The following COL9A1 variants were observed in gnomAD, a reference collection of about 807,000 sequenced individuals.
COL9A1 encodes collagen type IX alpha 1 chain, also known as collagen alpha-1(IX) chain.
In COL9A1, 104 loss-of-function variants were observed where a neutral mutation model predicts 142.6. The ratio of observed to expected loss-of-function variants is 0.73; its 90% CI spans 0.62 to 0.86. The LOEUF (loss-of-function observed/expected upper bound fraction) is 0.86. Among genes scored for constraint, COL9A1 ranks in the 40% least tolerant of loss-of-function variants. COL9A1 has a pLI of 0.00. For synonymous variants in COL9A1, 466 were observed against 396.0 expected, an observed-to-expected ratio of 1.18 and a Z score of -2.10; for missense variants, 1,210 against 1,176.6, an observed-to-expected ratio of 1.03 and a Z score of -0.42.
At chr6:70,284,133 G>A (rs988513079) in intron 5 of COL9A1, among the ~76,000 whole-genome samples, 1 of 152,196 alleles carries the variant, frequency 6.6e-6, no homozygotes, top group Non-Finnish European at 1.5e-5. Context: ...ATCTCAAGAT[G>A]TAGATCCTAC....
intron 37 of COL9A1, among the ~76,000 whole-genome samples, chr6:70,218,561 A>G (rs1768676066): frequency 6.6e-6 from 1 of 152,240 alleles, no homozygotes; most frequent in Non-Finnish European, 1.5e-5. Flanking sequence ...CATCTCAGCC[A>G]TCTTAACCTG....
At chr6:70,252,339 A>G (rs1258129981) in intron 26 of COL9A1, 24 bp from the exon 27 acceptor site, 18 of 1,609,676 alleles carry the variant, frequency 1.1e-5, no homozygotes, top group Admixed American at 3.3e-5. Flanking sequence ...GCAACATCCA[A>G]AATAACTCAT....
intron 5 of COL9A1, among the ~76,000 whole-genome samples, chr6:70,293,629 TTTCACACACACACACAC>T (rs1773733181): frequency 4.9e-5 from 5 of 102,610 alleles, no homozygotes; most frequent in African/African-American, 2.1e-4. Context: ...TCTCTCTCTC[TTTCACACACACACACAC>T]ACACACACAC....
At position 70,301,545 on chromosome 6, in the gene COL9A1, C is replaced by A. The variant is rs145329743; in HGVS notation, c.88+456G>T. Among the ~76,000 whole-genome samples the A allele has an allele frequency of 3.5e-3, 540 of 152,208 alleles. 3 individuals carry two copies. The highest frequency in any genetic ancestry group is 0.012 in the African/African-American group (517 of 41,548). On this transcript the variant is annotated intron_variant, in intron 2 of 37. Coordinates refer to ENST00000357250, the MANE Select transcript of COL9A1 (RefSeq NM_001851.6). ...TGAGCCGAGATTGTGTCATTGCATT[C>A]CAGCCTAGGTGACAGAGTGAGACTT...
chr6:70,286,540 A>C (rs946476860), intron 5 of COL9A1, among the ~76,000 whole-genome samples: 2 of 152,252 alleles, frequency 1.3e-5, no homozygotes, highest in African/African-American at 4.8e-5. Context: ...CCAAAAAACT[A>C]GCTCTTTAAT....
At chr6:70,253,636 G>C (rs914463186) in intron 25 of COL9A1, among the ~76,000 whole-genome samples, 1 of 152,146 alleles carries the variant, frequency 6.6e-6, no homozygotes, top group Admixed American at 6.5e-5. Flanking sequence ...ACTATATCTG[G>C]CTTGTTAAAG....
In COL9A1 at chr6:70,266,218, G is replaced by C. The variant is rs536128355; in HGVS notation, c.1341+499C>G. On this transcript the variant is annotated intron_variant, in intron 18 of 37. Transcript: ENST00000357250. ...TAACGTAAGTTATTACTAACCTCCA[G>C]CTTACTCAGAATCTAGGTTATATTG... 1.2e-4 allele frequency among the ~76,000 whole-genome samples: 18 copies of C among 152,238 alleles called. No individual in the cohort carries two copies. In the East Asian group the frequency reaches 1.7e-3, roughly 15 times the overall value.
intron 33 of COL9A1, among the ~76,000 whole-genome samples, chr6:70,237,153 A>C (rs1374587756): frequency 6.6e-6 from 1 of 152,246 alleles, no homozygotes; most frequent in Non-Finnish European, 1.5e-5. Context: ...AGAAGAGAAG[A>C]CAAAATGAAC....
At chr6:70,244,496 G>T (rs1297536483) in intron 28 of COL9A1, among the ~76,000 whole-genome samples, 1 of 152,156 alleles carries the variant, frequency 6.6e-6, no homozygotes, top group East Asian at 1.9e-4. Flanking sequence ...AGTGCATCAT[G>T]ATTGACATCC....
At chr6:70,295,096 C>T (rs1773801441) in intron 4 of COL9A1, among the ~76,000 whole-genome samples, 2 of 152,034 alleles carry the variant, frequency 1.3e-5, no homozygotes, top group African/African-American at 2.4e-5. Context: ...ACAATTATAT[C>T]CCAGACCCAT....
At chr6:70,281,733 T>C (rs1362079399) in intron 7 of COL9A1, among the ~76,000 whole-genome samples, 2 of 152,020 alleles carry the variant, frequency 1.3e-5, no homozygotes, top group Non-Finnish European at 1.5e-5. Flanking sequence ...CTCTGCAGAG[T>C]GCATTAAACC....
intron 35 of COL9A1, among the ~76,000 whole-genome samples, chr6:70,234,299 C>CAAAAAAAAAAAAAAAAAAA (rs1376237848): frequency 2.3e-5 from 3 of 132,020 alleles, no homozygotes; most frequent in Admixed American, 7.4e-5. Context: ...AAAAACAAAA[C>CAAAAAAAAAAAAAAAAAAA]AAAACAAAAA....
At position 70,242,803 on chromosome 6, in the gene COL9A1, G is replaced by GT. The variant is rs927399841; in HGVS notation, c.1873-89dup. ...GTAAATAAAATAACATCCTACCTAG[G>GT]TTTTTTTCCTTCAGCTAAAGGCATA... On this transcript the variant is annotated intron_variant, in intron 28 of 37. Transcript: ENST00000357250. The GT allele has an allele frequency of 1.2e-4, 155 of 1,333,252 alleles. No individual in the cohort carries two copies. In the African/African-American group the frequency reaches 2.1e-3, roughly 18 times the overall value. 82.6% of individuals were successfully genotyped at this position (1,333,252 alleles called of 1,614,324 possible). A position where few individuals can be genotyped will look rare whatever the true frequency, so the allele number is the denominator to read the frequency against.
In COL9A1 at chr6:70,268,784, A is replaced by T; in HGVS notation, c.1287+20T>A. On this transcript the variant is annotated intron_variant, in intron 17 of 37. Transcript: ENST00000357250. ...TATCTGTGGATAATACTCTTAAAAT[A>T]CTGGAAGTTATTCTCTTACCCTCAT... 6.2e-7 allele frequency: 1 copy of T among 1,609,682 alleles called. No homozygotes were observed. Among genetic ancestry groups the T allele is most frequent in the Non-Finnish European group, 8.5e-7 (1 of 1,176,198 alleles).
At chr6:70,293,195 AAGAG>A (rs776578991) in intron 5 of COL9A1, among the ~76,000 whole-genome samples, 10 of 152,162 alleles carry the variant, frequency 6.6e-5, no homozygotes, top group Non-Finnish European at 1.0e-4. Flanking sequence ...GTATGAGAGA[AAGAG>A]AGAGAGAAAG....
At chr6:70,288,575 C>A (rs192782151) in intron 5 of COL9A1, among the ~76,000 whole-genome samples, 116 of 152,300 alleles carry the variant, frequency 7.6e-4, no homozygotes, top group African/African-American at 2.6e-3. Flanking sequence ...ACATCTCCAT[C>A]ATGTTACCTC....
chr6:70,291,215 C>CA (rs1317960290), intron 5 of COL9A1, among the ~76,000 whole-genome samples: 1 of 152,082 alleles, frequency 6.6e-6, no homozygotes, highest in Non-Finnish European at 1.5e-5. Context: ...CTTCAGTTTT[C>CA]AAAAATGAGG....
At chr6:70,251,824 A>G (rs1770963993) in intron 28 of COL9A1, among the ~76,000 whole-genome samples, 1 of 152,238 alleles carries the variant, frequency 6.6e-6, no homozygotes, top group African/African-American at 2.4e-5. Flanking sequence ...GGTGAATTAT[A>G]TAGTATGTGA....
At chr6:70,283,240 G>C (rs1480373041) in intron 6 of COL9A1, 8 of 1,449,090 alleles carry the variant, frequency 5.5e-6, no homozygotes, top group Non-Finnish European at 6.3e-6. Context: ...CCCCGGAGAG[G>C]GTCCTGGGAT....
Sources: gnomAD v4.1 joint callset for allele counts (sites outside exome capture counted in the v4.1 genomes callset) on GRCh38, gnomAD v4.1.1 for gene constraint, MANE v1.5 for transcripts, NCBI Gene and HGNC (gene_info 2026-07-23, HGNC 2026-07-21) for gene names.